The following ANKRD6 variants were observed in gnomAD, a reference collection of about 807,000 sequenced individuals.
ANKRD6 encodes the protein ankyrin repeat domain-containing protein 6.
Under a neutral mutation model 82.3 loss-of-function variants are expected in ANKRD6, and 56 were observed. That is an observed-to-expected ratio of 0.68 (90% confidence interval 0.55 to 0.85). The LOEUF (loss-of-function observed/expected upper bound fraction) is 0.85. Among genes scored for constraint, ANKRD6 ranks in the 40% least tolerant of loss-of-function variants. The pLI is 0.00. For missense variants in ANKRD6, 852 were observed against 907.6 expected, an observed-to-expected ratio of 0.94 and a Z score of 0.79; for synonymous variants, 347 against 352.1, an observed-to-expected ratio of 0.99 and a Z score of 0.16.
intron 3 of ANKRD6, among the ~76,000 whole-genome samples, chr6:89,601,127 G>A (rs1797044190): frequency 6.6e-6 from 1 of 152,170 alleles, no homozygotes; most frequent in South Asian, 2.1e-4. Context: ...GTCTGAGGTA[G>A]ACAGCGCAAA....
At chr6:89,462,544 T>C (rs541024554) in intron 1 of ANKRD6, among the ~76,000 whole-genome samples, 3 of 152,238 alleles carry the variant, frequency 2.0e-5, no homozygotes, top group South Asian at 4.1e-4. Context: ...ATAGGACATA[T>C]ATAGGAATCA....
At chr6:89,469,223 T>C (rs1775183128) in intron 1 of ANKRD6, among the ~76,000 whole-genome samples, 1 of 152,216 alleles carries the variant, frequency 6.6e-6, no homozygotes. Flanking sequence ...GTCAAATGTT[T>C]CATGTTATAT....
intron 4 of ANKRD6, among the ~76,000 whole-genome samples, 176 bp downstream of exon 4, chr6:89,603,303 T>TTTGA (rs1477474574): frequency 1.3e-5 from 2 of 151,632 alleles, no homozygotes; most frequent in African/African-American, 2.4e-5. Flanking sequence ...CACTATCTGG[T>TTTGA]ATCCCAGCCA....
At chr6:89,625,935 A>T (rs985555314) in intron 13 of ANKRD6, among the ~76,000 whole-genome samples, 1 of 152,044 alleles carries the variant, frequency 6.6e-6, no homozygotes, top group Admixed American at 6.5e-5. Context: ...GGGTTTCACC[A>T]CGTTGGCTAG....
At chr6:89,550,541 G>A (rs1197350389) in intron 1 of ANKRD6, among the ~76,000 whole-genome samples, 2 of 152,242 alleles carry the variant, frequency 1.3e-5, no homozygotes. Flanking sequence ...TGGAAGGGGT[G>A]TGAGGGGCTG....
Position 89,616,608 on chromosome 6 carries a change from TGGCCAAAATCTTACTGGAA to T in ANKRD6, c.667_685del (p.Ala223ProfsTer46). ...GCTGCTGCCCTAAATCACAAGAAGG[TGGCCAAAATCTTACTGGAA>T]GCCGGAGCAGATACGACCATTGTTA... On this transcript the variant is annotated frameshift_variant, in exon 8 of 16. Transcript: ENST00000339746. LOFTEE classifies it high-confidence loss of function. 1.2e-6 allele frequency: 2 copies of T among 1,613,966 alleles called. No individual in the cohort carries two copies. The highest frequency in any genetic ancestry group is 8.5e-7 in the Non-Finnish European group (1 of 1,179,892).
At chr6:89,626,668 C>T (rs1173524006) in intron 13 of ANKRD6, among the ~76,000 whole-genome samples, 1 of 152,206 alleles carries the variant, frequency 6.6e-6, no homozygotes, top group Non-Finnish European at 1.5e-5. Context: ...AGTGAGCCTT[C>T]GCGGATTGGC....
At chr6:89,544,039 A>G (rs1237798265) in intron 1 of ANKRD6, among the ~76,000 whole-genome samples, 1 of 152,180 alleles carries the variant, frequency 6.6e-6, no homozygotes, top group Admixed American at 6.5e-5. Flanking sequence ...GAGCTTCTCA[A>G]TGACACTGTG....
intron 1 of ANKRD6, among the ~76,000 whole-genome samples, chr6:89,538,395 A>G (rs1784100550): frequency 6.6e-6 from 1 of 152,224 alleles, no homozygotes; most frequent in Non-Finnish European, 1.5e-5. Context: ...ATCCAAGCAC[A>G]TGAGCATCAT....
At chr6:89,505,725 A>G (rs1181751622) in intron 1 of ANKRD6, among the ~76,000 whole-genome samples, 1 of 152,204 alleles carries the variant, frequency 6.6e-6, no homozygotes, top group East Asian at 1.9e-4. Context: ...TGATCCAGCA[A>G]TCCCACCTCT....
intron 7 of ANKRD6, among the ~76,000 whole-genome samples, chr6:89,614,332 C>A (rs1031239119): frequency 6.6e-6 from 1 of 152,088 alleles, no homozygotes; most frequent in Non-Finnish European, 1.5e-5. Flanking sequence ...TAGCGAGACC[C>A]TGTCTCTACA....
chr6:89,481,827 G>A (rs1582841913), intron 1 of ANKRD6, among the ~76,000 whole-genome samples: 2 of 152,258 alleles, frequency 1.3e-5, no homozygotes, highest in East Asian at 3.9e-4. Context: ...GGTACTGGTG[G>A]TACTGGTGGT....
At chr6:89,499,442 C>T (rs1023253010) in intron 1 of ANKRD6, among the ~76,000 whole-genome samples, 2 of 152,142 alleles carry the variant, frequency 1.3e-5, no homozygotes, top group South Asian at 2.1e-4. Context: ...AGCACTGTCA[C>T]GCCTGATGCC....
At position 89,632,238 on chromosome 6, in the gene ANKRD6, A is replaced by G. The variant is rs1807540745; in HGVS notation, c.*1234A>G. ...AATGCTGCTCATTGAGCCAAAGAGA[A>G]GAAATGATTTATTAACATGGGGACA... On this transcript the variant is annotated 3_prime_UTR_variant, in exon 16 of 16. Transcript: ENST00000339746. 6.6e-6 allele frequency: 1 copy of G among 152,252 alleles called. No homozygotes were observed. Among genetic ancestry groups the G allele is most frequent in the Non-Finnish European group, 1.5e-5 (1 of 68,046 alleles). The allele number at this position is 152,252 out of a possible 1,614,324, so 9.4% of individuals were successfully genotyped here. A position where few individuals can be genotyped will look rare whatever the true frequency, so the allele number is the denominator to read the frequency against.
intron 1 of ANKRD6, among the ~76,000 whole-genome samples, chr6:89,464,813 A>T (rs777062761): frequency 7.2e-5 from 11 of 152,218 alleles, no homozygotes; most frequent in Non-Finnish European, 1.3e-4. Flanking sequence ...AAGAATTCTC[A>T]GGGAATTGGG....
intron 1 of ANKRD6, among the ~76,000 whole-genome samples, chr6:89,444,590 CTT>C (rs1174490319): frequency 1.3e-5 from 2 of 152,144 alleles, no homozygotes; most frequent in Admixed American, 6.5e-5. Flanking sequence ...CAATGACAGA[CTT>C]ATAACTAATT....
chr6:89,624,456 C>T, intron 12 of ANKRD6, 83 bp from the exon 13 acceptor site: 1 of 1,476,908 alleles, frequency 6.8e-7, no homozygotes, highest in African/African-American at 1.4e-5. Flanking sequence ...CCCTGGTATA[C>T]TGCCTGGCAC....
chr6:89,433,814 G>A lies in ANKRD6; in HGVS notation c.-144+439G>A, dbSNP rs1292493163. ...GACCCCGTCCCTCCCCGCCCTGGAC[G>A]ACAGCACTAGGGTGCAGTCGCAGGA... On this transcript the variant is annotated intron_variant, in intron 1 of 15. Transcript: ENST00000339746. This position sits in a 1 kb window ranked among gnomAD's most constrained non-coding sequence, Gnocchi z 4.3. 6.6e-6 allele frequency among the ~76,000 whole-genome samples: 1 copy of A among 152,214 alleles called. No individual in the cohort carries two copies. Among genetic ancestry groups the A allele is most frequent in the Non-Finnish European group, 1.5e-5 (1 of 68,028 alleles).
chr6:89,583,221 G>A (rs1439559734), intron 2 of ANKRD6, among the ~76,000 whole-genome samples: 1 of 152,200 alleles, frequency 6.6e-6, no homozygotes, highest in African/African-American at 2.4e-5. Context: ...ATCGGGCCAA[G>A]CCAGTGGTTA....
Sources: gnomAD v4.1 joint callset for allele counts (sites outside exome capture counted in the v4.1 genomes callset) on GRCh38, gnomAD v4.1.1 for gene constraint, Gnocchi (gnomAD v3.1) non-coding constraint, MANE v1.5 for transcripts, NCBI Gene and HGNC (gene_info 2026-07-23, HGNC 2026-07-21) for gene names.